The following DENND1A variants were observed in gnomAD, a reference collection of about 807,000 sequenced individuals.
DENND1A encodes the protein DENN domain-containing protein 1A.
A neutral mutation model predicts 113.7 loss-of-function variants in DENND1A; 51 were observed. The ratio of observed to expected loss-of-function variants is 0.45; its 90% CI spans 0.36 to 0.57. DENND1A has a LOEUF of 0.57. Ranked by LOEUF, DENND1A falls within the 20% of genes least tolerant of loss-of-function variation. The pLI is 0.00. For synonymous variants in DENND1A, 565 were observed against 570.8 expected (o/e 0.99, Z 0.14); for missense variants, 1,258 against 1,395.9 (o/e 0.90, Z 1.57).
chr9:123,414,406 C>T, intron 19 of DENND1A: 2 of 1,436,030 alleles, frequency 1.4e-6, no homozygotes, highest in South Asian at 1.5e-5. Flanking sequence ...AAAAAATGTC[C>T]ACCCAGTCTT....
chr9:123,417,002 C>T (rs897744015), intron 19 of DENND1A, among the ~76,000 whole-genome samples: 5 of 152,228 alleles, frequency 3.3e-5, no homozygotes, highest in African/African-American at 4.8e-5. Flanking sequence ...GGTTAGAAAC[C>T]CATGGGTTCA....
intron 1 of DENND1A, among the ~76,000 whole-genome samples, chr9:123,898,405 C>T (rs1851101135): frequency 6.6e-6 from 1 of 152,154 alleles, no homozygotes; most frequent in South Asian, 2.1e-4. Context: ...ACACAGCTTA[C>T]TGCAGCCTCA....
chr9:123,432,922 T>C lies in DENND1A; in HGVS notation c.1488+7438A>G, dbSNP rs141891962. 5.6e-3 allele frequency among the ~76,000 whole-genome samples: 852 copies of C among 152,254 alleles called. 6 individuals are homozygous for C. The highest frequency in any genetic ancestry group is 0.019 in the African/African-American group (807 of 41,544). On this transcript the variant is annotated intron_variant, in intron 19 of 23. Coordinates refer to ENST00000394215, the MANE Select transcript of DENND1A (RefSeq NM_001352964.2). ...GTTTTGCCTTTCCCACCCAGAGGTG[T>C]AGGGACACAGGTCAGTTGCCATGTG...
chr9:123,587,046 T>C (rs760868905), intron 11 of DENND1A, among the ~76,000 whole-genome samples: 10 of 150,752 alleles, frequency 6.6e-5, no homozygotes, highest in East Asian at 1.9e-4. Context: ...ACACACGAGA[T>C]AGTGAAAGCT....
chr9:123,601,840 C>T (rs2059946732), intron 11 of DENND1A, among the ~76,000 whole-genome samples: 3 of 152,080 alleles, frequency 2.0e-5, no homozygotes. Flanking sequence ...TTAACCAGGT[C>T]CCAGTCAAAG....
intron 11 of DENND1A, among the ~76,000 whole-genome samples, chr9:123,603,890 G>A (rs556429637): frequency 8.5e-5 from 13 of 152,292 alleles, no homozygotes; most frequent in African/African-American, 2.9e-4. Context: ...TGAATTTTAT[G>A]TACATGTTTT....
chr9:123,736,398 G>A (rs1244722195), intron 5 of DENND1A: 2 of 152,192 alleles, frequency 1.3e-5, no homozygotes, highest in African/African-American at 4.8e-5. Context: ...GCCAGGTCAT[G>A]CTATGATGTC....
chr9:123,657,370 C>T (rs1252571293), intron 8 of DENND1A, among the ~76,000 whole-genome samples: 1 of 149,298 alleles, frequency 6.7e-6, no homozygotes, highest in East Asian at 2.0e-4. Flanking sequence ...GTGATCCATG[C>T]CTGAGGTTAC....
At chr9:123,770,017 G>C (rs1300113168) in intron 3 of DENND1A, among the ~76,000 whole-genome samples, 2 of 152,148 alleles carry the variant, frequency 1.3e-5, no homozygotes, top group African/African-American at 4.8e-5. Flanking sequence ...AACATCAATA[G>C]GCCAAATCAC....
rs1224134971 is a variant in DENND1A at position 123,510,223 on chromosome 9, T to C, written c.993+47347A>G. On this transcript the variant is annotated intron_variant, in intron 13 of 23. Transcript: ENST00000394215. ...CCTCAAAGGCAGAGATGACCTCTTA[T>C]TGATCCTTGTGCTCCTTGTATTACC... Among the ~76,000 whole-genome samples, 3 of 152,276 alleles carry C rather than the reference T, an allele frequency of 2.0e-5. No individual in the cohort carries two copies. In the East Asian group the frequency reaches 5.8e-4, roughly 29 times the overall value.
At chr9:123,457,766 C>CCCAGG (rs1169834893) in intron 14 of DENND1A, 27 bp downstream of exon 14, 4 of 1,586,294 alleles carry the variant, frequency 2.5e-6, no homozygotes, top group Non-Finnish European at 2.6e-6. Context: ...GGGAGCCAGA[C>CCCAGG]CCAGGCCAGA....
chr9:123,544,031 C>T (rs540853464), intron 13 of DENND1A, among the ~76,000 whole-genome samples: 3 of 152,190 alleles, frequency 2.0e-5, no homozygotes, highest in Non-Finnish European at 4.4e-5. Flanking sequence ...CACTATAAAT[C>T]AAAATTCCAT....
chr9:123,615,055 T>G (rs1172153940), intron 10 of DENND1A, among the ~76,000 whole-genome samples: 1 of 152,154 alleles, frequency 6.6e-6, no homozygotes, highest in Non-Finnish European at 1.5e-5. Flanking sequence ...TGCTGGAGAA[T>G]GCGAATGATC....
chr9:123,830,701 T>C (rs1840046912), intron 2 of DENND1A, among the ~76,000 whole-genome samples: 1 of 151,296 alleles, frequency 6.6e-6, no homozygotes, highest in South Asian at 2.1e-4. Context: ...CCATCTCTAC[T>C]AAAAATACAA....
chr9:123,653,420 C>T (rs1485698643), intron 8 of DENND1A, among the ~76,000 whole-genome samples: 6 of 152,174 alleles, frequency 3.9e-5, no homozygotes, highest in Non-Finnish European at 7.3e-5. Flanking sequence ...AAAGTCAGAT[C>T]TGACTCCATG....
chr9:123,475,536 C>A (rs2049837938), intron 13 of DENND1A, among the ~76,000 whole-genome samples: 2 of 152,200 alleles, frequency 1.3e-5, no homozygotes, highest in Non-Finnish European at 2.9e-5. Flanking sequence ...AGTGTGGACA[C>A]CCACTGAAGC....
chr9:123,733,832 A>AT (rs1401316890), intron 5 of DENND1A, among the ~76,000 whole-genome samples: 8 of 150,130 alleles, frequency 5.3e-5, no homozygotes, highest in Non-Finnish European at 1.5e-5. Flanking sequence ...TGACCAGCTA[A>AT]TTTTTTGTAC....
At chr9:123,776,144 G>A (rs888481165) in intron 3 of DENND1A, among the ~76,000 whole-genome samples, 3 of 152,084 alleles carry the variant, frequency 2.0e-5, no homozygotes, top group South Asian at 2.1e-4. Flanking sequence ...AACACCCGTC[G>A]GTGGCATAAG....
chr9:123,551,403 C>T (rs764447819), intron 13 of DENND1A, among the ~76,000 whole-genome samples: 1 of 152,210 alleles, frequency 6.6e-6, no homozygotes, highest in South Asian at 2.1e-4. Flanking sequence ...GGTGCCACGA[C>T]CTGTGCCTGG....
Sources: gnomAD v4.1 joint callset for allele counts (sites outside exome capture counted in the v4.1 genomes callset) on GRCh38, gnomAD v4.1.1 for gene constraint, MANE v1.5 for transcripts, NCBI Gene and HGNC (gene_info 2026-07-23, HGNC 2026-07-21) for gene names.